The following CFAP54 variants were observed in gnomAD, a reference collection of about 807,000 sequenced individuals.
CFAP54 encodes the protein cilia and flagella associated protein 54, also known as cilia- and flagella-associated protein 54.
A neutral mutation model predicts 370.4 loss-of-function variants in CFAP54; 290 were observed. The ratio of observed to expected loss-of-function variants is 0.78; its 90% CI spans 0.71 to 0.86. The LOEUF is 0.86. Ranked by LOEUF, CFAP54 falls within the 40% of genes least tolerant of loss-of-function variation. The pLI is 0.00. For synonymous variants in CFAP54, 1,206 were observed against 1,236.5 expected, an observed-to-expected ratio of 0.98 and a Z score of 0.52; for missense variants, 3,399 against 3,528.7, an observed-to-expected ratio of 0.96 and a Z score of 0.93.
chr12:96,842,805 A>G (rs1045146217), intron 66 of CFAP54, among the ~76,000 whole-genome samples: 1 of 152,096 alleles, frequency 6.6e-6, no homozygotes, highest in Admixed American at 6.6e-5. Flanking sequence ...TTGCTTCTCT[A>G]CATCATCTTA....
intron 39 of CFAP54, among the ~76,000 whole-genome samples, chr12:96,664,759 A>ATCTATATCTATATC (rs1555283277): frequency 3.8e-5 from 1 of 26,134 alleles, no homozygotes; most frequent in Admixed American, 3.9e-4. Flanking sequence ...ATATATCTAT[A>ATCTATATCTATATC]TATATCTATA....
At chr12:96,690,745 C>T (rs1008576100) in intron 43 of CFAP54, among the ~76,000 whole-genome samples, 1 of 151,930 alleles carries the variant, frequency 6.6e-6, no homozygotes, top group African/African-American at 2.4e-5. Context: ...TTGTTTAAGC[C>T]TCAATTATAT....
chr12:96,720,927 G>T (rs980103799), intron 50 of CFAP54, among the ~76,000 whole-genome samples: 3 of 152,014 alleles, frequency 2.0e-5, no homozygotes, highest in Non-Finnish European at 4.4e-5. Flanking sequence ...GGCTAAGGCA[G>T]GAGAATCACT....
chr12:96,678,244 C>T (rs1428513202), intron 39 of CFAP54, among the ~76,000 whole-genome samples: 1 of 151,982 alleles, frequency 6.6e-6, no homozygotes, highest in Non-Finnish European at 1.5e-5. Flanking sequence ...ACTTCTATAC[C>T]CCTTCGTTTT....
intron 47 of CFAP54, among the ~76,000 whole-genome samples, chr12:96,705,363 A>C (rs985848234): frequency 1.3e-5 from 2 of 151,932 alleles, no homozygotes; most frequent in African/African-American, 4.8e-5. Flanking sequence ...TTACTTTTCT[A>C]TTATTGTGCA....
chr12:96,731,413 C>T (rs1592731182), intron 50 of CFAP54, among the ~76,000 whole-genome samples: 1 of 152,186 alleles, frequency 6.6e-6, no homozygotes, highest in Admixed American at 6.5e-5. Flanking sequence ...AGGCTGCTTT[C>T]TTCATGGAAT....
At chr12:96,590,119 A>T (rs1956111237) in intron 23 of CFAP54, among the ~76,000 whole-genome samples, 1 of 152,218 alleles carries the variant, frequency 6.6e-6, no homozygotes, top group Non-Finnish European at 1.5e-5. Context: ...AAAAATACCA[A>T]CTACAAACCA....
At chr12:96,502,553 G>A (rs1222265623) in intron 2 of CFAP54, among the ~76,000 whole-genome samples, 2 of 151,998 alleles carry the variant, frequency 1.3e-5, no homozygotes, top group African/African-American at 4.8e-5. Context: ...ACTCAAGTTA[G>A]AGCAGAAAAG....
intron 33 of CFAP54, chr12:96,647,091 T>A (rs1956802935): frequency 1.3e-5 from 2 of 151,970 alleles, no homozygotes; most frequent in South Asian, 4.2e-4. Flanking sequence ...ACCCTAAAAC[T>A]TAAAGTATAA....
At chr12:96,824,814 A>G (rs1221816051) in intron 65 of CFAP54, among the ~76,000 whole-genome samples, 1 of 152,116 alleles carries the variant, frequency 6.6e-6, no homozygotes, top group Admixed American at 6.6e-5. Context: ...TATCTTTTCA[A>G]AGCAATCTCT....
chr12:96,626,854 A>C lies in CFAP54; in HGVS notation c.4018A>C (p.Thr1340Pro). The C allele has an allele frequency of 7.1e-7, 1 of 1,418,192 alleles. No homozygotes were observed. Among genetic ancestry groups the C allele is most frequent in the African/African-American group, 1.4e-5 (1 of 70,642 alleles). The allele number at this position is 1,418,192 out of a possible 1,614,324, so 87.9% of individuals were successfully genotyped here. Reference protein sequence around the residue: ...KQKPRFLEFFTQVMLKCMNEE... With the variant: ...KQKPRFLEFFPQVMLKCMNEE... ...AAAACCAAGATTTCTGGAATTCTTT[A>C]CACAAGTTATGCTAAAATGCATGAA... is the stretch of plus-strand genomic sequence containing the variant. The change falls in exon 30 of 68, where the codon ACA (threonine) becomes CCA (proline). Residue 1340 changes from threonine to proline, a missense_variant. Around this residue, in one of 3 missense-constraint regions of CFAP54, gnomAD observed 2,796 missense variants for 2,869.7 expected, o/e 0.97. Transcript: ENST00000524981.
intron 65 of CFAP54, among the ~76,000 whole-genome samples, chr12:96,820,112 G>C (rs1240901438): frequency 6.6e-6 from 1 of 152,182 alleles, no homozygotes; most frequent in Non-Finnish European, 1.5e-5. Context: ...AGAGCAATGG[G>C]AGACACAGAC....
At chr12:96,642,743 A>G (rs968268035) in intron 32 of CFAP54, among the ~76,000 whole-genome samples, 3 of 152,220 alleles carry the variant, frequency 2.0e-5, no homozygotes, top group African/African-American at 7.2e-5. Flanking sequence ...TTATGGCTTC[A>G]CATCACTGAG....
chr12:96,788,871 G>T (rs61938370), intron 62 of CFAP54, among the ~76,000 whole-genome samples: 1 of 152,108 alleles, frequency 6.6e-6, no homozygotes, highest in Non-Finnish European at 1.5e-5. Context: ...TTTTTCAAAC[G>T]ACTTCCTCTC....
intron 33 of CFAP54, chr12:96,646,067 A>T (rs1307443221): frequency 6.6e-6 from 1 of 152,196 alleles, no homozygotes; most frequent in Non-Finnish European, 1.5e-5. Context: ...AAAACACCAA[A>T]AGCAATGGCA....
At chr12:96,512,357 A>G (rs892135615) in intron 4 of CFAP54, among the ~76,000 whole-genome samples, 34 of 100,454 alleles carry the variant, frequency 3.4e-4, no homozygotes, top group African/African-American at 1.3e-3. Flanking sequence ...ATATGTATAT[A>G]TTTGAGATGG....
At chr12:96,702,934 A>G (rs1007934075) in intron 46 of CFAP54, among the ~76,000 whole-genome samples, 3 of 152,212 alleles carry the variant, frequency 2.0e-5, no homozygotes, top group Non-Finnish European at 4.4e-5. Flanking sequence ...TTAACATTAT[A>G]CTCATATTGG....
At position 96,523,573 on chromosome 12, in the gene CFAP54, T is replaced by G. The variant is rs151245369; in HGVS notation, c.1158+1384T>G. On this transcript the variant is annotated intron_variant, in intron 8 of 67. Transcript: ENST00000524981. ...AGCTATATCCCTTACTAACCAACAG[T>G]ATATTAATTGGCAAGTATATTAATT... 2.6e-3 allele frequency among the ~76,000 whole-genome samples: 400 copies of G among 152,340 alleles called. 1 individual carries two copies. The highest frequency in any genetic ancestry group is 9.2e-3 in the African/African-American group (381 of 41,580).
chr12:96,506,951 T>C lies in CFAP54; in HGVS notation c.591T>C (p.Asn197=). ...AGTTTCATGCTTTGAGTGGCAAAAA[T>C]ATGTGCAACTACCAGCTGGTCTGCG... ...GLTFHALSGK[N]MCNYQLVCDS... Residue 197 remains asparagine, a synonymous_variant, in exon 4 of 68, where the codon AAT becomes AAC. Coordinates refer to ENST00000524981, the MANE Select transcript of CFAP54 (RefSeq NM_001306084.2). The C allele has an allele frequency of 1.3e-6, 2 of 1,528,782 alleles. No individual in the cohort carries two copies. Among genetic ancestry groups the C allele is most frequent in the Admixed American group, 2.1e-5 (1 of 48,318 alleles). 94.7% of individuals were successfully genotyped at this position (1,528,782 alleles called of 1,614,324 possible).
Sources: gnomAD v4.1 joint callset for allele counts (sites outside exome capture counted in the v4.1 genomes callset) on GRCh38, gnomAD v4.1.1 for gene constraint, gnomAD v4.1.1 regional missense constraint, MANE v1.5 for transcripts, NCBI Gene and HGNC (gene_info 2026-07-23, HGNC 2026-07-21) for gene names.